The following IL1RAPL2 variants were observed in gnomAD, a reference collection of about 807,000 sequenced individuals.
The protein encoded by IL1RAPL2 is interleukin 1 receptor accessory protein like 2, also known as X-linked interleukin-1 receptor accessory protein-like 2.
A neutral mutation model predicts 44.1 loss-of-function variants in IL1RAPL2; 3 were observed. That is an observed-to-expected ratio of 0.07 (90% CI 0.03 to 0.18). IL1RAPL2 has a LOEUF of 0.18. IL1RAPL2 is among the 10% of genes least tolerant of loss of function. The pLI is 1.00. For synonymous variants in IL1RAPL2, 181 were observed against 178.8 expected (o/e 1.01, Z -0.10); for missense variants, 391 against 496.4 (o/e 0.79, Z 2.02).
At chrX:104,701,384 T>TG (rs890757389) in intron 2 of IL1RAPL2, among the ~76,000 whole-genome samples, 2 of 111,456 alleles carry the variant, frequency 1.8e-5, no homozygotes, top group African/African-American at 6.5e-5. Context: ...CAAGCTCGGG[T>TG]GGTTTGAATT....
At chrX:104,875,905 A>T (rs1922887907) in intron 2 of IL1RAPL2, among the ~76,000 whole-genome samples, 1 of 110,797 alleles carries the variant, frequency 9.0e-6, no homozygotes, top group South Asian at 3.8e-4. Flanking sequence ...GAGAACAGGG[A>T]TTATATCTGT....
At chrX:105,099,644 T>C (rs1396570811) in intron 2 of IL1RAPL2, among the ~76,000 whole-genome samples, 1 of 107,500 alleles carries the variant, frequency 9.3e-6, no homozygotes, top group Non-Finnish European at 1.9e-5. Flanking sequence ...TTTTTTGTAT[T>C]TTTAGTAGAG....
chrX:104,831,265 A>G (rs1199363292), intron 2 of IL1RAPL2, among the ~76,000 whole-genome samples: 1 of 111,730 alleles, frequency 9.0e-6, no homozygotes. Context: ...TTTTTCAAAT[A>G]TGGGACTATT....
chrX:105,042,888 C>G (rs1319003971), intron 2 of IL1RAPL2, among the ~76,000 whole-genome samples: 6 of 107,818 alleles, frequency 5.6e-5, no homozygotes, highest in African/African-American at 1.7e-4. Flanking sequence ...CCATGGAATA[C>G]TATGCAGCCA....
At chrX:105,398,688 C>T (rs758261117) in intron 5 of IL1RAPL2, among the ~76,000 whole-genome samples, 1 of 111,695 alleles carries the variant, frequency 9.0e-6, no homozygotes, top group East Asian at 2.8e-4. Context: ...TCCATACATG[C>T]TTTAAAACAT....
At chrX:105,619,594 C>T (rs1015176272) in intron 6 of IL1RAPL2, among the ~76,000 whole-genome samples, 6 of 110,905 alleles carry the variant, frequency 5.4e-5, no homozygotes, top group South Asian at 3.8e-4. Context: ...ACATTTAATA[C>T]GTGATTGAGG....
chrX:104,717,849 T>A (rs934174521), intron 2 of IL1RAPL2, among the ~76,000 whole-genome samples: 1 of 107,954 alleles, frequency 9.3e-6, no homozygotes, highest in African/African-American at 3.4e-5. Flanking sequence ...AGTGAGAACA[T>A]GTGGTGTTTG....
At chrX:105,316,090 A>G (rs1232015787) in intron 5 of IL1RAPL2, among the ~76,000 whole-genome samples, 1 of 110,720 alleles carries the variant, frequency 9.0e-6, no homozygotes, top group East Asian at 2.9e-4. Context: ...CCTGGCCAAC[A>G]TGGTGAAACC....
chrX:105,075,696 A>G (rs1188146854), intron 2 of IL1RAPL2, among the ~76,000 whole-genome samples: 2 of 111,963 alleles, frequency 1.8e-5, no homozygotes, highest in South Asian at 3.7e-4. Flanking sequence ...TTGGTAAGCT[A>G]TTAATTATTG....
chrX:104,970,596 C>T (rs184144683), intron 2 of IL1RAPL2, among the ~76,000 whole-genome samples: 18 of 111,736 alleles, frequency 1.6e-4, no homozygotes, highest in Middle Eastern at 4.6e-3. Flanking sequence ...TGGAAAGGGG[C>T]GCTAACTTCT....
chrX:105,208,848 G>A (rs1402073821), intron 3 of IL1RAPL2, among the ~76,000 whole-genome samples: 3 of 111,348 alleles, frequency 2.7e-5, no homozygotes, highest in African/African-American at 9.8e-5. Context: ...TTTTACTCTT[G>A]AGCAAGAGAT....
intron 5 of IL1RAPL2, among the ~76,000 whole-genome samples, chrX:105,268,651 C>A (rs2034423264): frequency 9.1e-6 from 1 of 110,274 alleles, no homozygotes; most frequent in Non-Finnish European, 1.9e-5. Flanking sequence ...TGCCGATAAT[C>A]CCAGCTACTA....
At chrX:104,810,566 C>T (rs1352416779) in intron 2 of IL1RAPL2, among the ~76,000 whole-genome samples, 1 of 111,037 alleles carries the variant, frequency 9.0e-6, no homozygotes, top group Non-Finnish European at 1.9e-5. Flanking sequence ...GTAGCTCTGT[C>T]AGCTTGAACA....
intron 5 of IL1RAPL2, among the ~76,000 whole-genome samples, chrX:105,435,174 G>C (rs987745454): frequency 2.4e-4 from 27 of 111,676 alleles, no homozygotes; most frequent in Admixed American, 4.8e-4. Flanking sequence ...TTTTGGCTTA[G>C]GATTGTCTTG....
At chrX:105,144,094 G>GGGGTGT (rs1395267086) in intron 2 of IL1RAPL2, among the ~76,000 whole-genome samples, 1 of 79,575 alleles carries the variant, frequency 1.3e-5, no homozygotes, top group Non-Finnish European at 2.4e-5. Flanking sequence ...TCAACAGATG[G>GGGGTGT]GTGTGTGTGT....
intron 1 of IL1RAPL2, among the ~76,000 whole-genome samples, chrX:104,650,311 G>T (rs1930128892): frequency 8.9e-6 from 1 of 111,796 alleles, no homozygotes; most frequent in South Asian, 3.7e-4. Flanking sequence ...TCTTCACACA[G>T]CAGTAAGTTG....
intron 6 of IL1RAPL2, among the ~76,000 whole-genome samples, chrX:105,493,029 CAT>C (rs1318341413): frequency 6.3e-5 from 7 of 111,870 alleles, no homozygotes; most frequent in Admixed American, 9.5e-5. Flanking sequence ...AAATATGTAA[CAT>C]GTGGTCTTTT....
chrX:104,982,718 A>G (rs940769090), intron 2 of IL1RAPL2, among the ~76,000 whole-genome samples: 2 of 101,319 alleles, frequency 2.0e-5, no homozygotes, highest in African/African-American at 3.6e-5. Flanking sequence ...ACATTTAACT[A>G]TTGTTAAAAA....
At position 104,617,042 on chromosome X, in the gene IL1RAPL2, A is replaced by G. The variant is rs140465069; in HGVS notation, c.-19-41853A>G. On this transcript the variant is annotated intron_variant, in intron 1 of 10. Transcript: ENST00000372582. ...ATCTTTGCCTATGCCAATGTCCTGAATGGTATTGCCTAGATTCCCTTCTAG... is the reference window on the plus strand; with the variant it reads ...ATCTTTGCCTATGCCAATGTCCTGAGTGGTATTGCCTAGATTCCCTTCTAG... Among the ~76,000 whole-genome samples the G allele has an allele frequency of 2.7e-5, 3 of 112,129 alleles. No homozygotes were observed. The East Asian group carries it at 8.4e-4, about 32-fold the overall frequency.
Sources: allele counts gnomAD v4.1 joint callset (sites outside exome capture counted in the v4.1 genomes callset), GRCh38; gene constraint gnomAD v4.1.1; transcripts MANE v1.5; gene names NCBI Gene and HGNC (gene_info 2026-07-23, HGNC 2026-07-21).